Variants in CLASP2 observed in about 807,000 individuals in gnomAD.
CLASP2 encodes the protein CLIP-associating protein 2.
Under a neutral mutation model 194.4 loss-of-function variants are expected in CLASP2, and 47 were observed. The observed-to-expected ratio is 0.24, with a 90% confidence interval of 0.19 to 0.31. CLASP2 has a LOEUF of 0.31. Among genes scored for constraint, CLASP2 ranks in the 10% least tolerant of loss-of-function variants. CLASP2 has a pLI of 1.00. For synonymous variants in CLASP2, 619 were observed against 633.5 expected (o/e 0.98, Z 0.34); for missense variants, 1,445 against 1,823.6 (o/e 0.79, Z 3.78).
intron 34 of CLASP2, among the ~76,000 whole-genome samples, chr3:33,522,880 C>T (rs1258298477): frequency 1.3e-5 from 2 of 152,144 alleles, no homozygotes; most frequent in African/African-American, 4.8e-5. Flanking sequence ...ACCATCCTGG[C>T]TAACACGGTG....
In CLASP2 at chr3:33,622,231, C is replaced by T; in HGVS notation, c.1085G>A (p.Cys362Tyr). The T allele has an allele frequency of 6.2e-7, 1 of 1,600,826 alleles. No homozygotes were observed. The highest frequency in any genetic ancestry group is 8.5e-7 in the Non-Finnish European group (1 of 1,173,620). The change falls in exon 11 of 39, where the codon TGC becomes TAC. Residue 362 changes from cysteine to tyrosine, a missense_variant. Transcript: ENST00000682230. Reference protein sequence around the residue: ...LLVAGAAQYDCFFQHLRLLDG... With the variant: ...LLVAGAAQYDYFFQHLRLLDG... ...CAACAATCGTAAATGTTGAAAAAAG[C>T]AATCATACTGTGCAGCTCCAGCAAC...
rs199958865 is a variant in CLASP2, at chr3:33,604,320, C to CTT, written c.1695-113_1695-112dup. The CTT allele has an allele frequency of 8.9e-3, 5,103 of 570,178 alleles. 160 individuals carry two copies. The highest frequency in any genetic ancestry group is 0.082 in the African/African-American group (3,992 of 48,530). 35.3% of individuals were successfully genotyped at this position (570,178 alleles called of 1,614,324 possible). On this transcript the variant is annotated intron_variant, in intron 16 of 38. Coordinates refer to ENST00000682230, the MANE Select transcript of CLASP2 (RefSeq NM_001365631.1). ...GAAAGTTGAGAAGTATTTCTTTTTTCTTTTTTTTTTTTTTTGAGACAGAGT... is the reference window on the plus strand; with the variant it reads ...GAAAGTTGAGAAGTATTTCTTTTTTCTTTTTTTTTTTTTTTTTGAGACAGAGT...
At chr3:33,540,200 G>T (rs147006693) in intron 32 of CLASP2, among the ~76,000 whole-genome samples, 1 of 147,762 alleles carries the variant, frequency 6.8e-6, no homozygotes, top group African/African-American at 2.5e-5. Flanking sequence ...AAAGTGTTGC[G>T]ATTACACGCA....
intron 12 of CLASP2, among the ~76,000 whole-genome samples, chr3:33,619,070 TGTA>T: frequency 6.6e-6 from 1 of 152,216 alleles, no homozygotes. Context: ...TACTGAATAC[TGTA>T]CTAAATATTA....
intron 6 of CLASP2, among the ~76,000 whole-genome samples, chr3:33,682,567 GAAGAAA>G (rs1393671015): frequency 6.6e-5 from 10 of 152,080 alleles, no homozygotes; most frequent in African/African-American, 2.2e-4. Flanking sequence ...ATTTCATTAT[GAAGAAA>G]AAGAAATACT....
chr3:33,648,697 T>G (rs1559524235), intron 7 of CLASP2, among the ~76,000 whole-genome samples: 1 of 152,228 alleles, frequency 6.6e-6, no homozygotes, highest in African/African-American at 2.4e-5. Context: ...CTTGAATTTT[T>G]TTCTAAATAA....
rs1290670545 is a variant in CLASP2 at position 33,689,983 on chromosome 3, T to C, written c.275-51A>G. On this transcript the variant is annotated intron_variant, in intron 2 of 38. Transcript: ENST00000682230. ...GTAATTACTTATAACTCATCTCCAT[T>C]AAAAACTATATTTTTCAAAATTACA... is the stretch of plus-strand genomic sequence containing the variant. 1.9e-5 allele frequency: 22 copies of C among 1,180,788 alleles called. No homozygotes were observed. In the East Asian group the frequency reaches 6.0e-4, roughly 32 times the overall value. 73.1% of individuals were successfully genotyped at this position (1,180,788 alleles called of 1,614,324 possible).
chr3:33,585,060 G>A (rs2067044162), intron 21 of CLASP2, 140 bp from the exon 22 acceptor site: 6 of 617,392 alleles, frequency 9.7e-6, no homozygotes, highest in Non-Finnish European at 1.5e-5. Flanking sequence ...GAAATAGACC[G>A]AGGAAGATTT....
chr3:33,633,637 G>A (rs1044837984), intron 8 of CLASP2, among the ~76,000 whole-genome samples: 3 of 151,790 alleles, frequency 2.0e-5, no homozygotes, highest in Non-Finnish European at 2.9e-5. Context: ...AATCAAGGAT[G>A]GACTCACAAA....
At chr3:33,506,974 T>C (rs2048437593) in intron 37 of CLASP2, among the ~76,000 whole-genome samples, 1 of 151,840 alleles carries the variant, frequency 6.6e-6, no homozygotes, top group Admixed American at 6.6e-5. Context: ...GTTTCGCTCT[T>C]GTTGCCCAGG....
chr3:33,554,446 C>T (rs535965180), intron 29 of CLASP2, among the ~76,000 whole-genome samples: 18 of 152,110 alleles, frequency 1.2e-4, no homozygotes, highest in African/African-American at 3.4e-4. Flanking sequence ...ACATGCAGCA[C>T]GTAAAAAGTC....
At position 33,498,686 on chromosome 3, in the gene CLASP2, G is replaced by C; in HGVS notation, c.4466C>G (p.Ala1489Gly). The C allele has an allele frequency of 6.2e-7, 1 of 1,613,336 alleles. No homozygotes were observed. The highest frequency in any genetic ancestry group is 1.1e-5 in the South Asian group (1 of 91,048). Residue 1489 changes from alanine (A) to glycine (G), a missense_variant, in exon 39 of 39, where the codon GCA becomes GGA. Ala to Gly is a moderately conservative substitution (Grantham distance 60). This residue lies in a region of CLASP2 where 732 missense variants were observed against 987.9 expected (regional missense o/e 0.74). Coordinates refer to ENST00000682230, the MANE Select transcript of CLASP2 (RefSeq NM_001365631.1). ...MKLLNLYIKR[A>G]QTGSGGADPT... ...ATCAGCTCCTCCAGAACCTGTTTGT[G>C]CACGTTTGATGTAAAGATTCAGTAG...
intron 6 of CLASP2, among the ~76,000 whole-genome samples, chr3:33,666,558 T>C (rs985368625): frequency 1.3e-5 from 2 of 152,262 alleles, no homozygotes; most frequent in Non-Finnish European, 2.9e-5. Flanking sequence ...GACCAAATAA[T>C]ATTCCATCGT....
chr3:33,582,589 G>A (rs2066398426), intron 22 of CLASP2, among the ~76,000 whole-genome samples: 1 of 152,154 alleles, frequency 6.6e-6, no homozygotes, highest in African/African-American at 2.4e-5. Context: ...AGCCCAGGAG[G>A]TCGAGGCCGC....
At chr3:33,647,558 G>T (rs888083176) in intron 7 of CLASP2, among the ~76,000 whole-genome samples, 1 of 152,098 alleles carries the variant, frequency 6.6e-6, no homozygotes. Flanking sequence ...ATACACATAC[G>T]GCCTTTCCAT....
intron 21 of CLASP2, among the ~76,000 whole-genome samples, chr3:33,586,919 G>C (rs549655527): frequency 8.5e-5 from 13 of 152,140 alleles, no homozygotes; most frequent in South Asian, 4.1e-4. Flanking sequence ...TGATCAAGAG[G>C]GGGGGTGCCT....
At chr3:33,534,963 T>A (rs2057063550) in intron 34 of CLASP2, among the ~76,000 whole-genome samples, 1 of 152,224 alleles carries the variant, frequency 6.6e-6, no homozygotes, top group African/African-American at 2.4e-5. Context: ...AGTAAATTTA[T>A]AAGCTACAAT....
Position 33,497,746 on chromosome 3 carries a change from C to T in CLASP2, c.*885G>A, listed in dbSNP as rs1004796267. 3.3e-5 allele frequency: 5 copies of T among 152,472 alleles called. No homozygotes were observed. The highest frequency in any genetic ancestry group is 1.9e-4 in the East Asian group (1 of 5,200). The allele number at this position is 152,472 out of a possible 1,614,324, so 9.4% of individuals were successfully genotyped here. A position where few individuals can be genotyped will look rare whatever the true frequency, so the allele number is the denominator to read the frequency against. ...AACAGAAGACGGTCAAGGACACACACGCACTTGATTTTTTTTGTCCGTTTC... is the reference window on the plus strand; with the variant it reads ...AACAGAAGACGGTCAAGGACACACATGCACTTGATTTTTTTTGTCCGTTTC... On this transcript the variant is annotated 3_prime_UTR_variant, in exon 39 of 39. Coordinates refer to ENST00000682230, the MANE Select transcript of CLASP2 (RefSeq NM_001365631.1).
intron 13 of CLASP2, 150 bp downstream of exon 13, chr3:33,611,851 G>A: frequency 1.7e-6 from 1 of 594,128 alleles, no homozygotes; most frequent in Non-Finnish European, 3.0e-6. Context: ...TCCCTTACAT[G>A]AGATATGATT....
Sources: allele counts gnomAD v4.1 joint callset (sites outside exome capture counted in the v4.1 genomes callset), GRCh38; gene constraint gnomAD v4.1.1; regional missense constraint gnomAD v4.1.1; transcripts MANE v1.5; gene names NCBI Gene and HGNC (gene_info 2026-07-23, HGNC 2026-07-21).